Variants in CHRNA5 observed in about 807,000 individuals in gnomAD.
CHRNA5 encodes the protein cholinergic receptor nicotinic alpha 5 subunit, also known as neuronal acetylcholine receptor subunit alpha-5.
A neutral mutation model predicts 41.2 loss-of-function variants in CHRNA5; 28 were observed. The ratio of observed to expected loss-of-function variants is 0.68; its 90% CI spans 0.50 to 0.93. The LOEUF (loss-of-function observed/expected upper bound fraction) is 0.93. Ranked by LOEUF, CHRNA5 falls within the 40% of genes least tolerant of loss-of-function variation. The pLI, the probability that CHRNA5 is intolerant of heterozygous loss-of-function variation, is 0.00. For missense variants in CHRNA5, 481 were observed against 581.9 expected (o/e 0.83, Z 1.78); for synonymous variants, 188 against 205.8 (o/e 0.91, Z 0.74).
At chr15:78,565,904 C>T in intron 1 of CHRNA5, 79 bp downstream of exon 1, 3 of 877,708 alleles carry the variant, frequency 3.4e-6, no homozygotes, top group Non-Finnish European at 4.4e-6. Flanking sequence ...CGCCAGGCGA[C>T]GGCCGCCGGA....
intron 1 of CHRNA5, among the ~76,000 whole-genome samples, chr15:78,569,616 G>A (rs536894731): frequency 1.3e-5 from 2 of 151,256 alleles, no homozygotes; most frequent in South Asian, 4.2e-4. Context: ...TGTATTTTTA[G>A]TAGAGACGGG....
At chr15:78,594,488 C>A (rs1298863103) in exon 6 of CHRNA5, 1 of 152,124 alleles carries the variant, frequency 6.6e-6, no homozygotes, top group Non-Finnish European at 1.5e-5. Context: ...ACTAGCCTGA[C>A]CAACATGGTG....
At chr15:78,573,919 C>T (rs1268245410) in intron 1 of CHRNA5, among the ~76,000 whole-genome samples, 4 of 150,276 alleles carry the variant, frequency 2.7e-5, no homozygotes, top group Middle Eastern at 7.0e-3. Flanking sequence ...GCCTCAGCCT[C>T]CTGAGTAGCT....
exon 2 of CHRNA5, chr15:78,580,935 A>C (rs200324605): frequency 3.7e-6 from 6 of 1,613,858 alleles, no homozygotes; most frequent in Non-Finnish European, 5.1e-6. Flanking sequence ...TAAAATTTGG[A>C]CTTGCAATAT....
exon 6 of CHRNA5, chr15:78,594,359 A>T (rs756032243): frequency 6.6e-6 from 1 of 152,118 alleles, no homozygotes; most frequent in African/African-American, 2.4e-5. Context: ...TCAGTCCACT[A>T]CAATTACATG....
chr15:78,570,143 A>G (rs150993098), intron 1 of CHRNA5, among the ~76,000 whole-genome samples: 1,724 of 152,250 alleles, frequency 0.011, 31 homozygotes, highest in African/African-American at 0.038. Context: ...TTATAATGAC[A>G]ATATGATAGA....
intron 1 of CHRNA5, among the ~76,000 whole-genome samples, chr15:78,568,035 G>C (rs1319303036): frequency 6.6e-6 from 1 of 152,104 alleles, no homozygotes; most frequent in African/African-American, 2.4e-5. Context: ...ATGAAAGGGC[G>C]GTAGTAGATG....
chr15:78,593,172 A>T (rs199559512), exon 6 of CHRNA5: 2 of 1,613,784 alleles, frequency 1.2e-6, no homozygotes, highest in South Asian at 2.2e-5. Context: ...CAATTGTTGG[A>T]TCTCTTGGGC....
intron 3 of CHRNA5, among the ~76,000 whole-genome samples, chr15:78,587,206 C>G (rs1179189811): frequency 2.0e-5 from 3 of 152,110 alleles, no homozygotes; most frequent in Non-Finnish European, 4.4e-5. Flanking sequence ...AACCACATCA[C>G]CTGCCCTCAT....
intron 1 of CHRNA5, among the ~76,000 whole-genome samples, chr15:78,569,927 C>G (rs569879290): frequency 2.6e-5 from 4 of 151,670 alleles, no homozygotes; most frequent in Admixed American, 6.6e-5. Flanking sequence ...TCAAGTGATT[C>G]TCCTGCCTCA....
intron 1 of CHRNA5, among the ~76,000 whole-genome samples, chr15:78,579,541 A>G (rs2052891077): frequency 6.6e-6 from 1 of 152,140 alleles, no homozygotes; most frequent in South Asian, 2.1e-4. Context: ...GACGTGAGCC[A>G]CCGCCTATTT....
rs1214987962 is a variant in CHRNA5, at chr15:78,590,530, CTG to C, written c.1140_1141del (p.Ser382TrpfsTer2). The C allele has an allele frequency of 6.2e-6, 10 of 1,614,184 alleles. No homozygotes were observed. Among genetic ancestry groups the C allele is most frequent in the Non-Finnish European group, 8.5e-6 (10 of 1,180,034 alleles). Reference sequence around the variant, plus strand: ...AGGTACTTCACTCAGAAAGAGGAAACTGAGAGTGGTAGTGGACCAAAATCTTC... The same window carrying C: ...AGGTACTTCACTCAGAAAGAGGAAACAGAGTGGTAGTGGACCAAAATCTTC... On this transcript the variant is annotated frameshift_variant, in exon 5 of 6. Coordinates refer to ENST00000299565, the Ensembl canonical transcript of CHRNA5. LOFTEE classifies it high-confidence loss of function.
At chr15:78,576,646 G>T (rs1296908954) in intron 1 of CHRNA5, among the ~76,000 whole-genome samples, 7 of 151,790 alleles carry the variant, frequency 4.6e-5, no homozygotes, top group Non-Finnish European at 7.4e-5. Context: ...GCTGGGTGTG[G>T]TGGAACGCAC....
intron 1 of CHRNA5, among the ~76,000 whole-genome samples, chr15:78,572,975 C>T (rs1357594007): frequency 6.6e-6 from 1 of 152,120 alleles, no homozygotes; most frequent in Non-Finnish European, 1.5e-5. Context: ...TGACAGTGAC[C>T]ACACATTCCT....
rs200265243 is a variant in CHRNA5 at position 78,580,763 on chromosome 15, T to C, written c.107-48T>C. ...ACTTTTGTTTGAAAGTACAGGTATC[T>C]GGTGGGAGAGAAGCGAGTACATTAA... On this transcript the variant is annotated intron_variant, in intron 1 of 5. Coordinates refer to ENST00000299565, the Ensembl canonical transcript of CHRNA5. 2.0e-5 allele frequency: 30 copies of C among 1,517,510 alleles called. No homozygotes were observed. The African/African-American group carries it at 4.0e-4, about 20-fold the overall frequency. 94.0% of individuals were successfully genotyped at this position (1,517,510 alleles called of 1,614,324 possible).
chr15:78,589,193 C>T (rs1178692974), intron 4 of CHRNA5: 1 of 152,098 alleles, frequency 6.6e-6, no homozygotes, highest in Non-Finnish European at 1.5e-5. Context: ...GGATATATTA[C>T]AGAATAGTGT....
rs560001510 is a variant in CHRNA5 at position 78,569,882 on chromosome 15, A to G, written c.106+4057A>G. ...GTCGCCCAGGCTGGAGTGCAGTGGC[A>G]TGATCTTGTCTCACTGCAGCCTCTG... On this transcript the variant is annotated intron_variant, in intron 1 of 5. Transcript: ENST00000299565. 2.7e-5 allele frequency among the ~76,000 whole-genome samples: 4 copies of G among 150,612 alleles called. No individual in the cohort carries two copies. In the East Asian group the frequency reaches 8.0e-4, roughly 30 times the overall value.
At chr15:78,581,091 C>T in intron 2 of CHRNA5, 129 bp downstream of exon 2, 1 of 842,022 alleles carries the variant, frequency 1.2e-6, no homozygotes, top group South Asian at 2.0e-5. Context: ...TGAAGGAACT[C>T]ACCAGGGAAA....
At chr15:78,594,509 T>C (rs980846706) in exon 6 of CHRNA5, 1 of 152,164 alleles carries the variant, frequency 6.6e-6, no homozygotes, top group Non-Finnish European at 1.5e-5. Flanking sequence ...AAGCCCCGTC[T>C]CTACTAAGAA....
Sources: gnomAD v4.1 joint callset for allele counts (sites outside exome capture counted in the v4.1 genomes callset) on GRCh38, gnomAD v4.1.1 for gene constraint, MANE v1.5 for transcripts, NCBI Gene and HGNC (gene_info 2026-07-23, HGNC 2026-07-21) for gene names.